Variants in GABBR2 observed in about 807,000 individuals in gnomAD.
GABBR2 encodes gamma-aminobutyric acid type B receptor subunit 2.
In GABBR2, 23 loss-of-function variants were observed where a neutral mutation model predicts 105.6. The observed-to-expected ratio is 0.22, with a 90% CI of 0.16 to 0.31. GABBR2 has a LOEUF of 0.31. Among genes scored for constraint, GABBR2 ranks in the 10% least tolerant of loss-of-function variants. The probability of loss-of-function intolerance (pLI) is 1.00; values close to 1 mark genes in which losing one functional copy is unlikely to be tolerated. For synonymous variants in GABBR2, 478 were observed against 499.7 expected, an observed-to-expected ratio of 0.96 and a Z score of 0.58; for missense variants, 734 against 1,245.5, an observed-to-expected ratio of 0.59 and a Z score of 6.18.
At chr9:98,453,043 T>C (rs1826259756) in intron 7 of GABBR2, among the ~76,000 whole-genome samples, 1 of 152,148 alleles carries the variant, frequency 6.6e-6, no homozygotes, top group Non-Finnish European at 1.5e-5. Context: ...TTTTTTCTTT[T>C]GAGATGGAGT....
chr9:98,537,456 C>CTT (rs200207665), intron 3 of GABBR2, among the ~76,000 whole-genome samples: 3 of 147,408 alleles, frequency 2.0e-5, no homozygotes, highest in South Asian at 2.1e-4. Context: ...CAAACACATA[C>CTT]TTTTTTTTTT....
chr9:98,487,328 G>A (rs1480659369), intron 4 of GABBR2, among the ~76,000 whole-genome samples: 3 of 152,006 alleles, frequency 2.0e-5, no homozygotes, highest in African/African-American at 4.8e-5. Context: ...CTCCTATCTG[G>A]TTGGGAAAAA....
chr9:98,676,456 T>C (rs1463334120), intron 1 of GABBR2, among the ~76,000 whole-genome samples: 2 of 152,226 alleles, frequency 1.3e-5, no homozygotes, highest in African/African-American at 2.4e-5. Context: ...TAGCTAGAGA[T>C]TAAATGTAAC....
intron 1 of GABBR2, among the ~76,000 whole-genome samples, chr9:98,664,662 C>T (rs1830310651): frequency 1.3e-5 from 2 of 152,146 alleles, no homozygotes; most frequent in Admixed American, 1.3e-4. Context: ...TCTCAAAAGA[C>T]CAATCTCGTT....
At chr9:98,425,503 C>G (rs928088599) in intron 7 of GABBR2, among the ~76,000 whole-genome samples, 1 of 152,194 alleles carries the variant, frequency 6.6e-6, no homozygotes, top group Admixed American at 6.5e-5. Flanking sequence ...GGGCCACGCA[C>G]TGTGCTGGGC....
At chr9:98,465,908 T>C (rs959270071) in intron 6 of GABBR2, among the ~76,000 whole-genome samples, 2 of 152,216 alleles carry the variant, frequency 1.3e-5, no homozygotes, top group African/African-American at 4.8e-5. Context: ...ATCCCCAGTG[T>C]TGGAGGAGGA....
intron 1 of GABBR2, among the ~76,000 whole-genome samples, chr9:98,625,238 C>T (rs1470515334): frequency 6.6e-6 from 1 of 152,228 alleles, no homozygotes; most frequent in Non-Finnish European, 1.5e-5. Context: ...GCTGCTCCAC[C>T]CCTGCCCTAC....
intron 3 of GABBR2, among the ~76,000 whole-genome samples, chr9:98,533,764 A>C (rs1028387112): frequency 1.3e-5 from 2 of 152,140 alleles, no homozygotes; most frequent in Admixed American, 6.5e-5. Context: ...CCAGCTGGGG[A>C]GGTTGAGCCA....
At chr9:98,685,846 C>T (rs1237583862) in intron 1 of GABBR2, among the ~76,000 whole-genome samples, 1 of 152,072 alleles carries the variant, frequency 6.6e-6, no homozygotes, top group Non-Finnish European at 1.5e-5. Context: ...ACACACACAC[C>T]ATCATCCCCA....
At chr9:98,651,310 A>AT (rs1249458328) in intron 1 of GABBR2, among the ~76,000 whole-genome samples, 1 of 151,822 alleles carries the variant, frequency 6.6e-6, no homozygotes, top group Non-Finnish European at 1.5e-5. Context: ...CGCCCAGCTA[A>AT]TTTTTTTATT....
intron 3 of GABBR2, among the ~76,000 whole-genome samples, chr9:98,499,508 C>T (rs1028224621): frequency 6.6e-6 from 1 of 152,200 alleles, no homozygotes; most frequent in Non-Finnish European, 1.5e-5. Context: ...AGTCTATGCT[C>T]ACCTCAAGTA....
At chr9:98,479,782 G>A (rs771397664) in intron 5 of GABBR2, among the ~76,000 whole-genome samples, 3 of 152,146 alleles carry the variant, frequency 2.0e-5, no homozygotes, top group Non-Finnish European at 4.4e-5. Context: ...TCGGCTCTCT[G>A]GCACTGTGCT....
intron 3 of GABBR2, among the ~76,000 whole-genome samples, chr9:98,529,756 G>A (rs1828030272): frequency 6.6e-6 from 1 of 152,116 alleles, no homozygotes; most frequent in Non-Finnish European, 1.5e-5. Context: ...CACAGCCTCT[G>A]GTCTGCTCCT....
chr9:98,674,727 T>C (rs1547271), intron 1 of GABBR2, among the ~76,000 whole-genome samples: 140,404 of 152,162 alleles, frequency 0.92, 65,008 homozygotes, highest in Middle Eastern at 0.97. Context: ...CTGCCAGCCC[T>C]TAGCTGGGTC....
At chr9:98,478,631 T>C (rs1337255131) in intron 5 of GABBR2, among the ~76,000 whole-genome samples, 1 of 152,122 alleles carries the variant, frequency 6.6e-6, no homozygotes, top group Non-Finnish European at 1.5e-5. Flanking sequence ...GCCAGGGGGC[T>C]TTGGGTTGAA....
chr9:98,312,382 GT>G (rs1216221314), intron 13 of GABBR2, among the ~76,000 whole-genome samples: 1 of 152,176 alleles, frequency 6.6e-6, no homozygotes, highest in Non-Finnish European at 1.5e-5. Context: ...TAGCCTGAAT[GT>G]TTTATATTCA....
In GABBR2 at chr9:98,385,608, C is replaced by T. The variant is rs370366718; in HGVS notation, c.1662+32G>A. On this transcript the variant is annotated intron_variant, in intron 11 of 18. Transcript: ENST00000259455. ...TGAGGTCACCAAGGAAACTTTCTAT[C>T]ATATACCACTGGCTTATGCAGAATG... is the stretch of plus-strand genomic sequence containing the variant. 4.1e-5 allele frequency: 65 copies of T among 1,598,196 alleles called. 1 individual carries two copies. The highest frequency in any genetic ancestry group is 2.3e-4 in the South Asian group (21 of 90,418).
intron 9 of GABBR2, among the ~76,000 whole-genome samples, chr9:98,392,066 C>T (rs796817643): frequency 1.4e-4 from 21 of 152,212 alleles, no homozygotes; most frequent in African/African-American, 3.6e-4. Flanking sequence ...TGATTATTCA[C>T]GGTCTTGGTA....
At chr9:98,633,171 C>T (rs1403481906) in intron 1 of GABBR2, among the ~76,000 whole-genome samples, 1 of 152,142 alleles carries the variant, frequency 6.6e-6, no homozygotes, top group Non-Finnish European at 1.5e-5. Context: ...CAGTACCAGC[C>T]AGCTCCAGAA....
Sources: gnomAD v4.1 joint callset for allele counts (sites outside exome capture counted in the v4.1 genomes callset) on GRCh38, gnomAD v4.1.1 for gene constraint, MANE v1.5 for transcripts, NCBI Gene and HGNC (gene_info 2026-07-23, HGNC 2026-07-21) for gene names.